PLXNC1: variants seen among roughly 807,000 people sequenced by gnomAD.
PLXNC1 encodes the protein plexin-C1.
A neutral mutation model predicts 178.2 loss-of-function variants in PLXNC1; 75 were observed. That is an observed-to-expected ratio of 0.42 (90% confidence interval 0.35 to 0.51). The LOEUF (loss-of-function observed/expected upper bound fraction) is 0.51, where lower values mean the gene tolerates loss of function less well. PLXNC1 is among the 20% of genes least tolerant of loss of function. The pLI, the probability that PLXNC1 is intolerant of heterozygous loss-of-function variation, is 0.02. For missense variants in PLXNC1, 1,503 were observed against 1,984.4 expected (o/e 0.76, Z 4.61); for synonymous variants, 790 against 779.9 (o/e 1.01, Z -0.22).
At position 94,238,879 on chromosome 12, in the gene PLXNC1, T is replaced by A. The variant is rs372975280; in HGVS notation, c.2120+1076T>A. On this transcript the variant is annotated intron_variant, in intron 10 of 30. Coordinates refer to ENST00000258526, the MANE Select transcript of PLXNC1 (RefSeq NM_005761.3). ...TGTGTTCTGCTATTTGCCAGAATTA[T>A]CAAGCACACATTAGAGGCTGTATCT... Among the ~76,000 whole-genome samples the A allele has an allele frequency of 2.6e-5, 4 of 152,236 alleles. No homozygotes were observed. The East Asian group carries it at 5.8e-4, about 22-fold the overall frequency.
chr12:94,245,622 T>C (rs1964508897), intron 12 of PLXNC1, among the ~76,000 whole-genome samples: 2 of 152,202 alleles, frequency 1.3e-5, no homozygotes, highest in African/African-American at 4.8e-5. Context: ...AGACACCATT[T>C]CTTTTCACAT....
intron 6 of PLXNC1, 106 bp from the exon 7 acceptor site, chr12:94,224,122 C>G (rs896478128): frequency 1.9e-5 from 14 of 754,940 alleles, no homozygotes; most frequent in Non-Finnish European, 3.4e-5. Flanking sequence ...ACGCTCCTGC[C>G]CACTATGCAG....
At chr12:94,209,065 A>C (rs375432659) in intron 4 of PLXNC1, among the ~76,000 whole-genome samples, 10 of 152,274 alleles carry the variant, frequency 6.6e-5, no homozygotes, top group South Asian at 2.1e-4. Context: ...ATTCTTAGGC[A>C]GACTCTGCCC....
intron 23 of PLXNC1, among the ~76,000 whole-genome samples, chr12:94,289,285 A>G (rs187289482): frequency 2.2e-4 from 33 of 152,282 alleles, no homozygotes; most frequent in Admixed American, 2.6e-4. Context: ...TAATGATGGG[A>G]AAGTCTACAG....
At chr12:94,220,207 A>T (rs763828054) in intron 6 of PLXNC1, 44 bp downstream of exon 6, 2 of 1,585,886 alleles carry the variant, frequency 1.3e-6, no homozygotes, top group Non-Finnish European at 1.7e-6. Context: ...AAATCAAAAA[A>T]ACAAGGGAAC....
At chr12:94,248,824 G>T (rs1219751130) in intron 14 of PLXNC1, among the ~76,000 whole-genome samples, 1 of 152,148 alleles carries the variant, frequency 6.6e-6, no homozygotes, top group African/African-American at 2.4e-5. Context: ...GGTAGCATTA[G>T]AATCAGATGG....
chr12:94,251,804 CA>C (rs1319774349), intron 15 of PLXNC1, among the ~76,000 whole-genome samples: 2 of 152,276 alleles, frequency 1.3e-5, no homozygotes, highest in Admixed American at 1.3e-4. Context: ...CCAGCCTGGC[CA>C]ACATGGCAAA....
intron 2 of PLXNC1, among the ~76,000 whole-genome samples, chr12:94,176,028 G>C (rs1251146509): frequency 2.0e-5 from 3 of 152,208 alleles, no homozygotes; most frequent in African/African-American, 7.2e-5. Flanking sequence ...AGAAGGTTCA[G>C]ATTGACTTCA....
At chr12:94,246,135 G>A (rs1211932590) in intron 12 of PLXNC1, among the ~76,000 whole-genome samples, 1 of 152,254 alleles carries the variant, frequency 6.6e-6, no homozygotes, top group African/African-American at 2.4e-5. Flanking sequence ...GCCAGCTCCT[G>A]AAGTGCTTGT....
intron 27 of PLXNC1, 44 bp downstream of exon 27, chr12:94,298,839 C>T: frequency 6.5e-7 from 1 of 1,542,382 alleles, no homozygotes; most frequent in African/African-American, 1.4e-5. Flanking sequence ...GAATCTGGGA[C>T]AGAATATTAA....
In PLXNC1 at chr12:94,226,472, G is replaced by A. The variant is rs200423784; in HGVS notation, c.1791-133G>A. On this transcript the variant is annotated intron_variant, in intron 7 of 30. Transcript: ENST00000258526. ...AAGAGCAGGGCACAAAGCCTCACAG[G>A]AATGTCTGTCCAGGGATTTTTTTTT... The A allele has an allele frequency of 4.7e-4, 289 of 620,950 alleles. 1 individual carries two copies. The African/African-American group carries it at 5.3e-3, about 11-fold the overall frequency. The allele number at this position is 620,950 out of a possible 1,614,324, so 38.5% of individuals were successfully genotyped here. A position where few individuals can be genotyped will look rare whatever the true frequency, so the allele number is the denominator to read the frequency against.
At chr12:94,212,231 G>A (rs1276210340) in intron 5 of PLXNC1, among the ~76,000 whole-genome samples, 2 of 126,440 alleles carry the variant, frequency 1.6e-5, no homozygotes, top group African/African-American at 6.2e-5. Flanking sequence ...CCGAGATCCC[G>A]CCACTGCTCT....
chr12:94,180,867 A>G (rs1390146467), intron 2 of PLXNC1, among the ~76,000 whole-genome samples: 1 of 152,210 alleles, frequency 6.6e-6, no homozygotes, highest in Non-Finnish European at 1.5e-5. Flanking sequence ...GTGGTCAGCC[A>G]GCTTCCACAT....
chr12:94,197,434 CCTTTCTCTCT>C lies in PLXNC1; in HGVS notation c.1439+10964_1439+10973del, dbSNP rs1417748854. Reference sequence around the variant, plus strand: ...TCCTGATAAAATGATACATTAGGCCCCTTTCTCTCTCTCTCTCTCTCTCTCTGTCTCTCTC... The same window carrying C: ...TCCTGATAAAATGATACATTAGGCCCCTCTCTCTCTCTCTCTGTCTCTCTC... On this transcript the variant is annotated intron_variant, in intron 4 of 30. Transcript: ENST00000258526. 4.1e-3 allele frequency among the ~76,000 whole-genome samples: 43 copies of C among 10,562 alleles called. No individual in the cohort carries two copies. In the South Asian group the frequency reaches 0.2, roughly 49 times the overall value. 6.9% of individuals were successfully genotyped at this position (10,562 alleles called of 152,430 possible).
chr12:94,297,330 G>A lies in PLXNC1; in HGVS notation c.3981G>A (p.Ser1327=), dbSNP rs537616852. The A allele has an allele frequency of 1.1e-5, 17 of 1,613,824 alleles. No individual in the cohort carries two copies. The East Asian group carries it at 1.6e-4, about 15-fold the overall frequency. ...DDHCHLILPD[S]EAFQDVQGKR... ...CTTCCCTTCAGATTTTACCAGATTC[G>A]GAAGCATTCCAAGATGTGCAAGGAA... Residue 1327 remains serine (S), a synonymous_variant, in exon 26 of 31, where the codon TCG becomes TCA. Coordinates refer to ENST00000258526, the MANE Select transcript of PLXNC1 (RefSeq NM_005761.3).
intron 7 of PLXNC1, among the ~76,000 whole-genome samples, chr12:94,226,077 A>G (rs955663350): frequency 2.0e-5 from 3 of 152,200 alleles, no homozygotes; most frequent in Admixed American, 2.0e-4. Context: ...AGTTTACCCA[A>G]TCATGATAGG....
intron 23 of PLXNC1, chr12:94,282,679 G>A (rs1055700861): frequency 3.2e-5 from 9 of 280,162 alleles, no homozygotes; most frequent in African/African-American, 2.0e-4. Context: ...CAGGAAAAAA[G>A]TCTAGGAAAG....
At chr12:94,155,916 ATGAGGGATAT>A (rs1961150686) in intron 1 of PLXNC1, among the ~76,000 whole-genome samples, 3 of 152,224 alleles carry the variant, frequency 2.0e-5, no homozygotes, top group South Asian at 4.1e-4. Context: ...AGATAAAGGG[ATGAGGGATAT>A]TGTGGACAGA....
rs192925347 is a variant in PLXNC1 at position 94,306,334 on chromosome 12, A to C, written c.*1049A>C. On this transcript the variant is annotated 3_prime_UTR_variant, in exon 31 of 31. Coordinates refer to ENST00000258526, the MANE Select transcript of PLXNC1 (RefSeq NM_005761.3). ...CAAGGCCTGAAAAATATTAGTATAC[A>C]ACTTGGTATCTTAGTCTTACTATGT... 2 of 152,304 alleles carry C rather than the reference A, an allele frequency of 1.3e-5. No individual in the cohort carries two copies. Among genetic ancestry groups the C allele is most frequent in the African/African-American group, 4.8e-5 (2 of 41,576 alleles). 9.4% of individuals were successfully genotyped at this position (152,304 alleles called of 1,614,324 possible). A position where few individuals can be genotyped will look rare whatever the true frequency, so the allele number is the denominator to read the frequency against.
Sources: allele counts gnomAD v4.1 joint callset (sites outside exome capture counted in the v4.1 genomes callset), GRCh38; gene constraint gnomAD v4.1.1; transcripts MANE v1.5; gene names NCBI Gene and HGNC (gene_info 2026-07-23, HGNC 2026-07-21).